The following DNAH5 variants were observed in gnomAD, a reference collection of about 807,000 sequenced individuals.
The protein encoded by DNAH5 is axonemal beta dynein heavy chain 5.
A neutral mutation model predicts 518.2 loss-of-function variants in DNAH5; 372 were observed. The observed-to-expected ratio is 0.72, with a 90% CI of 0.66 to 0.78. The LOEUF (loss-of-function observed/expected upper bound fraction) is 0.78. Ranked by LOEUF, DNAH5 falls within the 30% of genes least tolerant of loss-of-function variation. The pLI is 0.00. For synonymous variants in DNAH5, 2,039 were observed against 2,025.9 expected (o/e 1.01, Z -0.17); for missense variants, 5,523 against 5,687.0 (o/e 0.97, Z 0.93).
At chr5:13,695,659 A>G (rs1245756163) in intron 78 of DNAH5, among the ~76,000 whole-genome samples, 1 of 152,190 alleles carries the variant, frequency 6.6e-6, no homozygotes, top group Admixed American at 6.5e-5. Flanking sequence ...TAATTTCTCC[A>G]TCTGCAAAAT....
chr5:13,829,027 CTT>C (rs1009500860), intron 38 of DNAH5, among the ~76,000 whole-genome samples: 3 of 152,178 alleles, frequency 2.0e-5, no homozygotes, highest in Non-Finnish European at 1.5e-5. Flanking sequence ...AATTCCATGA[CTT>C]TTAACTATGA....
intron 34 of DNAH5, among the ~76,000 whole-genome samples, chr5:13,839,756 G>A (rs988433828): frequency 4.6e-5 from 7 of 152,122 alleles, no homozygotes; most frequent in Non-Finnish European, 5.9e-5. Flanking sequence ...CCCTAATTAT[G>A]CCTCTCCAAT....
intron 5 of DNAH5, among the ~76,000 whole-genome samples, chr5:13,921,475 TCACACACACACACACACACACA>T (rs138046391): frequency 1.4e-5 from 1 of 73,698 alleles, no homozygotes; most frequent in African/African-American, 5.1e-5. Context: ...TATCTCTCTC[TCACACACACACACACACACACA>T]CACACACACA....
At chr5:13,974,664 C>T (rs1262487374) in intron 1 of DNAH5, among the ~76,000 whole-genome samples, 1 of 152,176 alleles carries the variant, frequency 6.6e-6, no homozygotes, top group Non-Finnish European at 1.5e-5. Context: ...GAACTGGTGC[C>T]TGCATGACAC....
At chr5:13,982,184 G>A (rs1256773951) in intron 1 of DNAH5, among the ~76,000 whole-genome samples, 2 of 152,250 alleles carry the variant, frequency 1.3e-5, no homozygotes, top group Admixed American at 6.5e-5. Flanking sequence ...CTTATCGTAT[G>A]ACAATAAACT....
rs1231927910 is a variant in DNAH5 at position 13,976,687 on chromosome 5, G to GTATATATATA, written c.12+34960_12+34961insTATATATATA. 6.2e-3 allele frequency among the ~76,000 whole-genome samples: 752 copies of GTATATATATA among 121,224 alleles called. 10 individuals are homozygous for GTATATATATA. Among genetic ancestry groups the GTATATATATA allele is most frequent in the African/African-American group, 0.021 (707 of 34,016 alleles). 79.5% of individuals were successfully genotyped at this position (121,224 alleles called of 152,430 possible). ...GTATAGAAAAAAACAATGTGTGTGT[G>GTATATATATA]TGTATATATATATATATATATATAC... is the stretch of plus-strand genomic sequence containing the variant. On this transcript the variant is annotated intron_variant, in intron 1 of 78. Coordinates refer to the DNAH5 transcript ENST00000681290.
At chr5:13,769,669 A>G (rs1318747038) in intron 56 of DNAH5, 54 bp from the exon 57 acceptor site, 5 of 1,393,318 alleles carry the variant, frequency 3.6e-6, no homozygotes, top group South Asian at 1.2e-5. Context: ...CTTGGATGCA[A>G]TTCTCAAGTA....
At chr5:13,870,686 C>T in intron 24 of DNAH5, 81 bp downstream of exon 24, 1 of 1,279,736 alleles carries the variant, frequency 7.8e-7, no homozygotes, top group Non-Finnish European at 1.1e-6. Context: ...AGTAACTTCA[C>T]TCCAGACCCA....
At chr5:13,903,398 C>T (rs1222218608) in intron 12 of DNAH5, among the ~76,000 whole-genome samples, 1 of 151,378 alleles carries the variant, frequency 6.6e-6, no homozygotes, top group African/African-American at 2.4e-5. Flanking sequence ...GAAGAAGAAC[C>T]TAAGATATTT....
At position 14,000,987 on chromosome 5, in the gene DNAH5, T is replaced by C. The variant is rs566007340; in HGVS notation, c.12+10661A>G. Among the ~76,000 whole-genome samples the C allele has an allele frequency of 4.6e-5, 7 of 152,148 alleles. No individual in the cohort carries two copies. The South Asian group carries it at 1.4e-3, about 32-fold the overall frequency. The stretch of plus-strand genomic sequence containing the variant: ...CATTAAAAAGAATGAAATCCGTCCT[T>C]TGCAGCAACATGGATACAGCTGGAG... On this transcript the variant is annotated intron_variant, in intron 1 of 78. Transcript: ENST00000681290.
intron 65 of DNAH5, among the ~76,000 whole-genome samples, chr5:13,740,179 C>T (rs1204320819): frequency 6.6e-6 from 1 of 152,104 alleles, no homozygotes; most frequent in Non-Finnish European, 1.5e-5. Flanking sequence ...AAATGAGATT[C>T]AGAATCTAAT....
upstream of DNAH5, among the ~76,000 whole-genome samples, chr5:13,945,101 C>T (rs992718077): frequency 6.6e-6 from 1 of 152,208 alleles, no homozygotes; most frequent in African/African-American, 2.4e-5. Flanking sequence ...AAATAGCAAA[C>T]CATGTCCATA....
At chr5:13,847,219 T>C (rs1287985186) in intron 31 of DNAH5, among the ~76,000 whole-genome samples, 1 of 152,110 alleles carries the variant, frequency 6.6e-6, no homozygotes, top group East Asian at 1.9e-4. Flanking sequence ...TGTTTTTGTA[T>C]AAATATGATT....
rs367951191 is a variant in DNAH5, at chr5:13,885,201, G to A, written c.2771C>T (p.Thr924Ile). The change falls in exon 19 of 79, where the codon ACC becomes ATC. Residue 924 changes from threonine to isoleucine, a missense_variant. Transcript: ENST00000265104. ...CCTGGCATTAATAGATGATGTCAAG[G>A]TGTCAAAATTTCCTTCTTCTCTTTT... Reference protein sequence around the residue: ...SAKREEGNFDTLTSSINARAN... With the variant: ...SAKREEGNFDILTSSINARAN... 1.2e-6 allele frequency: 2 copies of A among 1,614,170 alleles called. No individual in the cohort carries two copies. The highest frequency in any genetic ancestry group is 8.5e-7 in the Non-Finnish European group (1 of 1,180,008).
At chr5:13,834,840 C>A (rs560062497) in intron 35 of DNAH5, among the ~76,000 whole-genome samples, 1 of 152,208 alleles carries the variant, frequency 6.6e-6, no homozygotes, top group Non-Finnish European at 1.5e-5. Flanking sequence ...CACAGGCCCA[C>A]GTGAGGACGT....
At chr5:13,711,021 G>T (rs184251161) in intron 75 of DNAH5, among the ~76,000 whole-genome samples, 2 of 152,136 alleles carry the variant, frequency 1.3e-5, no homozygotes, top group African/African-American at 2.4e-5. Context: ...ATTCTATGAA[G>T]CCAGCATCAC....
intron 17 of DNAH5, among the ~76,000 whole-genome samples, chr5:13,890,568 G>T (rs145295905): frequency 2.0e-5 from 3 of 152,244 alleles, no homozygotes; most frequent in Non-Finnish European, 4.4e-5. Context: ...GTGTGCTATA[G>T]AACACCAGTT....
intron 47 of DNAH5, among the ~76,000 whole-genome samples, chr5:13,804,809 A>C (rs559344438): frequency 6.6e-6 from 1 of 152,342 alleles, no homozygotes; most frequent in African/African-American, 2.4e-5. Context: ...CCACTTCTAG[A>C]AATTTATTAT....
At chr5:13,745,696 T>A (rs1749234072) in intron 65 of DNAH5, among the ~76,000 whole-genome samples, 1 of 152,072 alleles carries the variant, frequency 6.6e-6, no homozygotes, top group African/African-American at 2.4e-5. Context: ...TCATGACTCA[T>A]CCCCACTGAA....
Sources: gnomAD v4.1 joint callset for allele counts (sites outside exome capture counted in the v4.1 genomes callset) on GRCh38, gnomAD v4.1.1 for gene constraint, MANE v1.5 for transcripts, NCBI Gene and HGNC (gene_info 2026-07-23, HGNC 2026-07-21) for gene names.